Variants in FUT8 observed in about 807,000 individuals in gnomAD.
The protein encoded by FUT8 is fucosyltransferase 8.
FUT8 carries 29 observed loss-of-function variants against 71.3 expected under a neutral mutation model. The ratio of observed to expected loss-of-function variants is 0.41; its 90% CI spans 0.30 to 0.55. FUT8 has a LOEUF of 0.55. Ranked by LOEUF, FUT8 falls within the 20% of genes least tolerant of loss-of-function variation. FUT8 has a pLI of 0.34. For synonymous variants in FUT8, 254 were observed against 239.3 expected (o/e 1.06, Z -0.57); for missense variants, 544 against 702.1 (o/e 0.77, Z 2.55).
At chr14:65,554,999 G>T (rs1885513140) in intron 2 of FUT8, among the ~76,000 whole-genome samples, 1 of 151,974 alleles carries the variant, frequency 6.6e-6, no homozygotes, top group Non-Finnish European at 1.5e-5. Context: ...GGCTCTTGTT[G>T]GCATAGCTTT....
chr14:65,458,791 CTTTTTTTTTTT>C (rs748466416), intron 2 of FUT8, among the ~76,000 whole-genome samples: 1 of 135,584 alleles, frequency 7.4e-6, no homozygotes, highest in Non-Finnish European at 1.6e-5. Context: ...TCTTTTCTTT[CTTTTTTTTTTT>C]TTTTTGAGAC....
Position 65,615,999 on chromosome 14 carries a change from T to G in FUT8, c.225T>G (p.Asp75Glu), listed in dbSNP as rs1314804723. 1 of 1,613,480 alleles carries G rather than the reference T, an allele frequency of 6.2e-7. No individual in the cohort carries two copies. Among genetic ancestry groups the G allele is most frequent in the African/African-American group, 1.3e-5 (1 of 75,004 alleles). The change falls in exon 4 of 11, where the codon GAT becomes GAG. Residue 75 changes from aspartate to glutamate, a missense_variant. Asp to Glu is a conservative substitution (Grantham distance 45). Transcript: ENST00000673929. The part of the protein sequence containing the change: ...ESLRIPEGPI[D>E]QGPAIGRVRV... ...ACAGGATACCAGAAGGCCCTATTGATCAGGGGCCAGCTATAGGAAGAGTAC... is the reference window on the plus strand; with the variant it reads ...ACAGGATACCAGAAGGCCCTATTGAGCAGGGGCCAGCTATAGGAAGAGTAC...
rs571632400 is a variant in FUT8, at chr14:65,463,747, C to T, written c.-228+8029C>T. ...AACTCTGTTCCTTGTACTTTTCCTT[C>T]TCATTTTAGGTTTTGGAGTCAGTAT... On this transcript the variant is annotated intron_variant, in intron 2 of 10. Transcript: ENST00000673929. Among the ~76,000 whole-genome samples the T allele has an allele frequency of 2.6e-5, 4 of 152,226 alleles. No homozygotes were observed. In the South Asian group the frequency reaches 8.3e-4, roughly 32 times the overall value.
At chr14:65,534,164 C>G (rs2139926274) in intron 2 of FUT8, among the ~76,000 whole-genome samples, 1 of 152,072 alleles carries the variant, frequency 6.6e-6, no homozygotes, top group East Asian at 1.9e-4. Context: ...CACTTTGTCA[C>G]CCAGCCTGGA....
At chr14:65,456,725 T>C (rs1245052300) in intron 2 of FUT8, among the ~76,000 whole-genome samples, 1 of 151,612 alleles carries the variant, frequency 6.6e-6, no homozygotes, top group African/African-American at 2.4e-5. Flanking sequence ...ATACAAAAAT[T>C]AGTTGGGTGT....
intron 2 of FUT8, among the ~76,000 whole-genome samples, chr14:65,534,681 A>C (rs567883953): frequency 6.7e-6 from 1 of 150,316 alleles, no homozygotes; most frequent in East Asian, 2.0e-4. Context: ...GAATTTATCC[A>C]TTTTTTTCTA....
intron 7 of FUT8, among the ~76,000 whole-genome samples, chr14:65,706,551 C>A (rs1363207163): frequency 1.3e-5 from 2 of 152,160 alleles, no homozygotes; most frequent in African/African-American, 4.8e-5. Flanking sequence ...GGCCTATAAA[C>A]AACAGCAATT....
intron 2 of FUT8, among the ~76,000 whole-genome samples, chr14:65,506,062 A>G (rs945730145): frequency 3.9e-5 from 6 of 152,230 alleles, no homozygotes; most frequent in African/African-American, 1.4e-4. Context: ...TGGAAGTAAT[A>G]ATAAAATTTA....
chr14:65,599,305 A>G lies in FUT8; in HGVS notation c.204-16673A>G, dbSNP rs74700715. ...AGGAGAAAACTAAAACTCATTGAGCATTACCATGTTTCCCCCCATCTCCCT... is the reference window on the plus strand; with the variant it reads ...AGGAGAAAACTAAAACTCATTGAGCGTTACCATGTTTCCCCCCATCTCCCT... On this transcript the variant is annotated intron_variant, in intron 3 of 10. Coordinates refer to ENST00000673929, the MANE Select transcript of FUT8 (RefSeq NM_001371533.1). Among the ~76,000 whole-genome samples the G allele has an allele frequency of 6.3e-3, 957 of 152,300 alleles. 11 individuals carry two copies. The highest frequency in any genetic ancestry group is 0.035 in the East Asian group (184 of 5,190).
chr14:65,408,134 T>C (rs909506496), upstream of FUT8, among the ~76,000 whole-genome samples: 2 of 152,126 alleles, frequency 1.3e-5, no homozygotes, highest in African/African-American at 4.8e-5. Flanking sequence ...ACTACAAAGG[T>C]GTATTTCTTA....
intron 2 of FUT8, among the ~76,000 whole-genome samples, chr14:65,499,268 T>A (rs2066608439): frequency 6.6e-6 from 1 of 152,124 alleles, no homozygotes; most frequent in Non-Finnish European, 1.5e-5. Context: ...TTCTTTACCC[T>A]TATAGCATTT....
chr14:65,728,726 A>G (rs1895810842), intron 9 of FUT8, among the ~76,000 whole-genome samples: 1 of 152,224 alleles, frequency 6.6e-6, no homozygotes, highest in South Asian at 2.1e-4. Context: ...TACCTTCAGT[A>G]TTCAATACAA....
rs149321218 is a variant in FUT8 at position 65,574,604 on chromosome 14, GAAT to G, written c.203+12843_203+12845del. ...AAAGAGTCTGACTCTAGGTATTATA[GAAT>G]AATATATTTTTAATTAAACATGAAA... On this transcript the variant is annotated intron_variant, in intron 3 of 10. Coordinates refer to ENST00000673929, the MANE Select transcript of FUT8 (RefSeq NM_001371533.1). This position sits in a 1 kb window ranked among gnomAD's most constrained non-coding sequence, Gnocchi z 5.2. Among the ~76,000 whole-genome samples the G allele has an allele frequency of 0.01, 1,571 of 152,236 alleles. 76 individuals are homozygous for G. In the East Asian group the frequency reaches 0.13, roughly 13 times the overall value.
intron 9 of FUT8, among the ~76,000 whole-genome samples, chr14:65,732,016 C>T (rs772061867): frequency 1.3e-5 from 2 of 152,166 alleles, no homozygotes; most frequent in Non-Finnish European, 2.9e-5. Flanking sequence ...GTTGTTGTTT[C>T]TGCTCCATGC....
chr14:65,705,978 A>T (rs1894534175), intron 7 of FUT8, among the ~76,000 whole-genome samples: 1 of 152,208 alleles, frequency 6.6e-6, no homozygotes, highest in African/African-American at 2.4e-5. Flanking sequence ...CCTAGATCAA[A>T]CTATAGCTGG....
At chr14:65,485,028 TA>T (rs970166753) in intron 2 of FUT8, among the ~76,000 whole-genome samples, 2 of 152,260 alleles carry the variant, frequency 1.3e-5, no homozygotes, top group Admixed American at 1.3e-4. Context: ...GTTTTGGCTA[TA>T]TGAAATGCAT....
rs141292579 is a variant in FUT8, at chr14:65,447,126, C to CTA, written c.-325-8494_-325-8493dup. On this transcript the variant is annotated intron_variant, in intron 1 of 10. Coordinates refer to ENST00000673929, the MANE Select transcript of FUT8 (RefSeq NM_001371533.1). The stretch of plus-strand genomic sequence containing the variant: ...CCTTCTGGGTGGTGAAATCTGGTCT[C>CTA]TACTAAAAATACAAAAAATTAGCAG... Among the ~76,000 whole-genome samples, 1,410 of 151,804 alleles carry CTA rather than the reference C, an allele frequency of 9.3e-3. 22 individuals are homozygous for CTA. The highest frequency in any genetic ancestry group is 0.033 in the African/African-American group (1,348 of 41,400).
At chr14:65,360,071 T>C in the FUT8 span, among the ~76,000 whole-genome samples, 1 of 152,182 alleles carries the variant, frequency 6.6e-6, no homozygotes. Context: ...GACCTCATGA[T>C]CCGTCCGCCT....
intron 2 of FUT8, among the ~76,000 whole-genome samples, chr14:65,469,795 G>C (rs1392395761): frequency 1.3e-5 from 2 of 152,158 alleles, no homozygotes; most frequent in South Asian, 2.1e-4. Context: ...CTGTCTCTCT[G>C]GCCTCTGCCC....
Sources: allele counts gnomAD v4.1 joint callset (sites outside exome capture counted in the v4.1 genomes callset), GRCh38; gene constraint gnomAD v4.1.1; non-coding constraint Gnocchi (gnomAD v3.1); transcripts MANE v1.5; gene names NCBI Gene and HGNC (gene_info 2026-07-23, HGNC 2026-07-21).